The following VAT1L variants were observed in gnomAD, a reference collection of about 807,000 sequenced individuals.
VAT1L encodes putative NADPH-dependent quinone oxidoreductase VAT1L.
VAT1L carries 34 observed loss-of-function variants against 44.1 expected under a neutral mutation model. The observed-to-expected ratio is 0.77, with a 90% CI of 0.59 to 1.03. The LOEUF (loss-of-function observed/expected upper bound fraction) is 1.03, where lower values mean the gene tolerates loss of function less well. VAT1L is among the 50% of genes least tolerant of loss of function. The probability of loss-of-function intolerance (pLI) is 0.00; values close to 1 mark genes in which losing one functional copy is unlikely to be tolerated. For missense variants in VAT1L, 615 were observed against 538.8 expected (o/e 1.14, Z -1.40); for synonymous variants, 253 against 202.2 (o/e 1.25, Z -2.13).
chr16:77,789,626 G>A (rs2015796433), intron 1 of VAT1L, among the ~76,000 whole-genome samples: 1 of 152,104 alleles, frequency 6.6e-6, no homozygotes, highest in Non-Finnish European at 1.5e-5. Flanking sequence ...CAGGCTTGGT[G>A]AGGGTGGAGA....
At chr16:77,847,245 A>G (rs1322160592) in intron 3 of VAT1L, among the ~76,000 whole-genome samples, 3 of 151,990 alleles carry the variant, frequency 2.0e-5, no homozygotes, top group African/African-American at 7.2e-5. Context: ...CTCTTAAACT[A>G]TGACTGATGT....
In VAT1L at chr16:77,944,596, G is replaced by C. The variant is rs76119017; in HGVS notation, c.1078-27254G>C. On this transcript the variant is annotated intron_variant, in intron 7 of 8. Coordinates refer to ENST00000302536, the MANE Select transcript of VAT1L (RefSeq NM_020927.3). Reference sequence around the variant, plus strand: ...CACCTGTCTTGTATAAAATTGTTGTGAAGATTAAAGGAGATAATGCCTGTA... The same window carrying C: ...CACCTGTCTTGTATAAAATTGTTGTCAAGATTAAAGGAGATAATGCCTGTA... Among the ~76,000 whole-genome samples the C allele has an allele frequency of 0.013, 1,910 of 152,246 alleles. 91 individuals are homozygous for C. In the East Asian group the frequency reaches 0.15, roughly 12 times the overall value.
chr16:77,791,067 T>C (rs534731013), intron 1 of VAT1L, among the ~76,000 whole-genome samples: 2 of 152,320 alleles, frequency 1.3e-5, no homozygotes, highest in South Asian at 4.1e-4. Context: ...TTCACCAAGC[T>C]GGAAGCAGAG....
intron 7 of VAT1L, among the ~76,000 whole-genome samples, chr16:77,956,595 T>C (rs1213685226): frequency 6.6e-6 from 1 of 152,226 alleles, no homozygotes; most frequent in Non-Finnish European, 1.5e-5. Flanking sequence ...TTGAGACTTA[T>C]CTTCTCCCAT....
chr16:77,961,670 G>C (rs767057335), intron 7 of VAT1L, among the ~76,000 whole-genome samples: 1 of 151,994 alleles, frequency 6.6e-6, no homozygotes, highest in African/African-American at 2.4e-5. Flanking sequence ...TTTTCCCCTG[G>C]CTGCCCAGCC....
chr16:77,862,006 A>T (rs8064160), intron 3 of VAT1L, among the ~76,000 whole-genome samples: 11,259 of 152,250 alleles, frequency 0.074, 656 homozygotes, highest in East Asian at 0.23. Context: ...CCAAATCGTT[A>T]TCTTAGGTTC....
chr16:77,837,231 C>G lies in VAT1L; in HGVS notation c.579+11770C>G, dbSNP rs2016649620. Among the ~76,000 whole-genome samples, 2 of 152,130 alleles carry G rather than the reference C, an allele frequency of 1.3e-5. 1 individual carries two copies. The highest frequency in any genetic ancestry group is 1.3e-4 in the Admixed American group (2 of 15,260). The stretch of plus-strand genomic sequence containing the variant: ...AGGATTGCCTGGGTTTTCCCAGGAG[C>G]TGAGGAAGAGGGGAGGATCTTTAGT... On this transcript the variant is annotated intron_variant, in intron 3 of 8. Coordinates refer to ENST00000302536, the MANE Select transcript of VAT1L (RefSeq NM_020927.3).
At chr16:77,956,218 CA>C (rs1264437259) in intron 7 of VAT1L, among the ~76,000 whole-genome samples, 6 of 151,932 alleles carry the variant, frequency 3.9e-5, no homozygotes, top group Non-Finnish European at 8.8e-5. Flanking sequence ...CATGTACCCA[CA>C]AAGATTAAAA....
intron 7 of VAT1L, among the ~76,000 whole-genome samples, chr16:77,942,068 G>A (rs891009980): frequency 6.6e-6 from 1 of 152,114 alleles, no homozygotes. Context: ...CTAATGATTA[G>A]TGTATTAGTC....
At chr16:77,812,630 A>G (rs2016285579) in intron 1 of VAT1L, among the ~76,000 whole-genome samples, 1 of 152,200 alleles carries the variant, frequency 6.6e-6, no homozygotes, top group African/African-American at 2.4e-5. Flanking sequence ...TTTTAATGAG[A>G]TGTGTATGAA....
At chr16:77,908,276 A>G (rs1003501254) in intron 7 of VAT1L, among the ~76,000 whole-genome samples, 4 of 151,134 alleles carry the variant, frequency 2.6e-5, no homozygotes, top group African/African-American at 7.3e-5. Flanking sequence ...CCTGACTGAC[A>G]TGGTGAAATT....
At chr16:77,939,953 C>T (rs1390142900) in intron 7 of VAT1L, among the ~76,000 whole-genome samples, 1 of 152,172 alleles carries the variant, frequency 6.6e-6, no homozygotes, top group Non-Finnish European at 1.5e-5. Context: ...TAGTTTCTAT[C>T]ACTCTTCTTT....
intron 7 of VAT1L, among the ~76,000 whole-genome samples, chr16:77,950,596 G>T (rs114939332): frequency 6.6e-6 from 1 of 152,146 alleles, no homozygotes; most frequent in Non-Finnish European, 1.5e-5. Flanking sequence ...TGTTCAGCGT[G>T]ATCTTATCAT....
chr16:77,864,545 G>T lies in VAT1L; in HGVS notation c.722+1655G>T, dbSNP rs567440747. On this transcript the variant is annotated intron_variant, in intron 4 of 8. Transcript: ENST00000302536. The stretch of plus-strand genomic sequence containing the variant: ...CGCTTGATCCCGAGAGGTAGAGGTT[G>T]CAGTGAGCTGAGATCATGCCACTGC... 3.3e-5 allele frequency among the ~76,000 whole-genome samples: 5 copies of T among 152,306 alleles called. No homozygotes were observed. The South Asian group carries it at 1.0e-3, about 32-fold the overall frequency.
At chr16:77,839,535 C>CAAAAAAAAAAAAAAAAA in intron 3 of VAT1L, among the ~76,000 whole-genome samples, 1 of 49,070 alleles carries the variant, frequency 2.0e-5, no homozygotes. Context: ...TACTCCATAT[C>CAAAAAAAAAAAAAAAAA]AAAAAAAAAA....
intron 1 of VAT1L, among the ~76,000 whole-genome samples, chr16:77,807,758 A>G (rs187189712): frequency 4.7e-4 from 72 of 152,288 alleles, no homozygotes; most frequent in South Asian, 2.5e-3. Flanking sequence ...GTCACATGCA[A>G]TCCACACAAC....
chr16:77,930,038 A>T (rs1276848679), intron 7 of VAT1L, among the ~76,000 whole-genome samples: 1 of 152,116 alleles, frequency 6.6e-6, no homozygotes, highest in Non-Finnish European at 1.5e-5. Context: ...TGAACCTCCA[A>T]CCAATACCCA....
chr16:77,854,624 T>A (rs916235165), intron 3 of VAT1L, among the ~76,000 whole-genome samples: 7 of 152,216 alleles, frequency 4.6e-5, no homozygotes, highest in African/African-American at 1.4e-4. Context: ...TTTTTGCTCA[T>A]CTAAGTACCT....
chr16:77,930,145 C>G (rs890822799), intron 7 of VAT1L, among the ~76,000 whole-genome samples: 2 of 152,204 alleles, frequency 1.3e-5, no homozygotes, highest in South Asian at 4.1e-4. Flanking sequence ...CTTTCCAGCC[C>G]ATATTCCATG....
Sources: allele counts gnomAD v4.1 joint callset (sites outside exome capture counted in the v4.1 genomes callset), GRCh38; gene constraint gnomAD v4.1.1; transcripts MANE v1.5; gene names NCBI Gene and HGNC (gene_info 2026-07-23, HGNC 2026-07-21).